Variants in NBEAL1 observed in about 807,000 individuals in gnomAD.
NBEAL1 encodes neurobeachin like 1, also known as neurobeachin-like protein 1.
Under a neutral mutation model 351.3 loss-of-function variants are expected in NBEAL1, and 273 were observed. The ratio of observed to expected loss-of-function variants is 0.78; its 90% CI spans 0.70 to 0.86. The LOEUF is 0.86. Ranked by LOEUF, NBEAL1 falls within the 40% of genes least tolerant of loss-of-function variation. The pLI, the probability that NBEAL1 is intolerant of heterozygous loss-of-function variation, is 0.00. For synonymous variants in NBEAL1, 1,050 were observed against 1,086.4 expected (o/e 0.97, Z 0.66); for missense variants, 2,961 against 3,201.3 (o/e 0.92, Z 1.81).
Position 203,062,636 on chromosome 2 carries a change from G to A in NBEAL1, c.515+5183G>A, listed in dbSNP as rs1325025664. ...AGATGGCAACAGAAAGGGGGGCAAAGTAGAGGATGAGTAGCAGCATTTAAT... is the reference window on the plus strand; with the variant it reads ...AGATGGCAACAGAAAGGGGGGCAAAATAGAGGATGAGTAGCAGCATTTAAT... On this transcript the variant is annotated intron_variant, in intron 6 of 55. Coordinates refer to ENST00000683969, the MANE Select transcript of NBEAL1 (RefSeq NM_001378026.1). The surrounding 1 kb of genome is among the most constrained non-coding windows in gnomAD (Gnocchi z 4.2). 6.0e-6 allele frequency: 1 copy of A among 165,566 alleles called. No individual in the cohort carries two copies. The highest frequency in any genetic ancestry group is 1.3e-5 in the Non-Finnish European group (1 of 75,048). The allele number at this position is 165,566 out of a possible 1,614,324, so 10.3% of individuals were successfully genotyped here.
At chr2:203,149,235 A>C in intron 34 of NBEAL1, 87 bp downstream of exon 34, 1 of 866,636 alleles carries the variant, frequency 1.2e-6, no homozygotes, top group Non-Finnish European at 1.7e-6. Flanking sequence ...TTTCACTCCA[A>C]TTTCTTAAAT....
At chr2:203,080,472 T>C (rs1401908604) in intron 8 of NBEAL1, among the ~76,000 whole-genome samples, 2 of 152,210 alleles carry the variant, frequency 1.3e-5, no homozygotes, top group Non-Finnish European at 2.9e-5. Context: ...TTGTTTTTGC[T>C]CTGTTTTGTT....
chr2:203,207,470 G>C (rs960541804), intron 51 of NBEAL1, among the ~76,000 whole-genome samples: 19 of 152,118 alleles, frequency 1.2e-4, no homozygotes, highest in African/African-American at 4.6e-4. Flanking sequence ...GGAATAGAAA[G>C]GGGGGAAAGG....
rs559295912 is a variant in NBEAL1 at position 203,038,099 on chromosome 2, G to A, written c.52-3666G>A. On this transcript the variant is annotated intron_variant, in intron 2 of 55. Coordinates refer to ENST00000683969, the MANE Select transcript of NBEAL1 (RefSeq NM_001378026.1). ...ATAGTTCATTTTTATTCCTGGAATA[G>A]TATTCCATTGTACGAATGTACAACG... Among the ~76,000 whole-genome samples, 8 of 149,306 alleles carry A rather than the reference G, an allele frequency of 5.4e-5. 1 individual carries two copies. The highest frequency in any genetic ancestry group is 1.9e-4 in the African/African-American group (8 of 41,172).
chr2:203,044,432 T>C (rs2061194125), intron 3 of NBEAL1, among the ~76,000 whole-genome samples: 1 of 152,236 alleles, frequency 6.6e-6, no homozygotes, highest in Non-Finnish European at 1.5e-5. Context: ...AGCCTTTAAA[T>C]GTTTGGAATA....
chr2:203,206,945 C>T (rs1342335839), intron 51 of NBEAL1, among the ~76,000 whole-genome samples: 1 of 151,702 alleles, frequency 6.6e-6, no homozygotes, highest in Admixed American at 6.6e-5. Flanking sequence ...AGCGTCTCTG[C>T]CCGGCCGCCA....
chr2:203,212,168 A>C, intron 54 of NBEAL1, among the ~76,000 whole-genome samples: 1 of 151,568 alleles, frequency 6.6e-6, no homozygotes, highest in East Asian at 2.0e-4. Flanking sequence ...GATTACAGGC[A>C]TGAGCCACTG....
chr2:203,073,459 T>C (rs2061715189), intron 7 of NBEAL1, among the ~76,000 whole-genome samples: 1 of 152,162 alleles, frequency 6.6e-6, no homozygotes. Flanking sequence ...TTCTCTCTTC[T>C]TTTTTCTTGA....
At chr2:203,042,391 A>T (rs967630392) in intron 3 of NBEAL1, among the ~76,000 whole-genome samples, 1 of 152,200 alleles carries the variant, frequency 6.6e-6, no homozygotes, top group Non-Finnish European at 1.5e-5. Context: ...CCCTCTCCCC[A>T]TGGAGTCAGG....
At chr2:203,051,826 T>C (rs1292990854) in intron 4 of NBEAL1, among the ~76,000 whole-genome samples, 1 of 152,168 alleles carries the variant, frequency 6.6e-6, no homozygotes, top group Non-Finnish European at 1.5e-5. Context: ...ACAGAACATG[T>C]TTCTATTTCC....
chr2:203,046,431 A>G (rs2061227660), intron 3 of NBEAL1, among the ~76,000 whole-genome samples: 1 of 151,844 alleles, frequency 6.6e-6, no homozygotes, highest in Non-Finnish European at 1.5e-5. Flanking sequence ...GTTAGCCAAG[A>G]TGGTCTCCAT....
chr2:203,136,524 A>G (rs2063212852), intron 28 of NBEAL1, 75 bp from the exon 29 acceptor site: 1 of 1,062,734 alleles, frequency 9.4e-7, no homozygotes, highest in Non-Finnish European at 1.4e-6. Context: ...CAATGAGTAT[A>G]TGTAATGGTT....
intron 51 of NBEAL1, among the ~76,000 whole-genome samples, chr2:203,203,705 C>A (rs2065466782): frequency 6.6e-6 from 1 of 151,332 alleles, no homozygotes; most frequent in Non-Finnish European, 1.5e-5. Context: ...GATCCTATCT[C>A]AAAAAAAATT....
chr2:203,076,180 G>A (rs936961721), intron 7 of NBEAL1, among the ~76,000 whole-genome samples: 1 of 152,222 alleles, frequency 6.6e-6, no homozygotes, highest in East Asian at 1.9e-4. Flanking sequence ...AGGTGTATCT[G>A]TTAAGATGTA....
chr2:203,085,702 G>C (rs573442359), intron 10 of NBEAL1: 1 of 151,864 alleles, frequency 6.6e-6, no homozygotes, highest in African/African-American at 2.4e-5. Context: ...GCCCTTTCAG[G>C]GTCAAATAAC....
intron 35 of NBEAL1, among the ~76,000 whole-genome samples, chr2:203,155,251 A>AAC (rs1471926177): frequency 1.3e-4 from 19 of 151,084 alleles, no homozygotes; most frequent in Non-Finnish European, 1.8e-4. Flanking sequence ...CTCTCTCAAA[A>AAC]AAAAAAAAAA....
Position 203,116,617 on chromosome 2 carries a change from T to C in NBEAL1, c.2592+547T>C, listed in dbSNP as rs568628267. ...GAGACCCCTGTCTCTATAAAACTTA[T>C]GAAAAATGCCAAAAAAAAAAAAAAT... On this transcript the variant is annotated intron_variant, in intron 18 of 55. Transcript: ENST00000683969. Among the ~76,000 whole-genome samples, 6 of 118,618 alleles carry C rather than the reference T, an allele frequency of 5.1e-5. No homozygotes were observed. In the East Asian group the frequency reaches 1.4e-3, roughly 27 times the overall value. The allele number at this position is 118,618 out of a possible 152,430, so 77.8% of individuals were successfully genotyped here. A position where few individuals can be genotyped will look rare whatever the true frequency, so the allele number is the denominator to read the frequency against.
At chr2:203,190,019 C>G (rs551592573) in intron 45 of NBEAL1, among the ~76,000 whole-genome samples, 1 of 151,784 alleles carries the variant, frequency 6.6e-6, no homozygotes, top group East Asian at 1.9e-4. Flanking sequence ...ACCTGTAGTC[C>G]CAGCTACTCA....
chr2:203,037,390 A>T (rs985474664), intron 2 of NBEAL1, among the ~76,000 whole-genome samples: 1 of 149,220 alleles, frequency 6.7e-6, no homozygotes, highest in South Asian at 2.1e-4. Context: ...ATTGAGCATC[A>T]TTTTTTGAGA....
Sources: allele counts gnomAD v4.1 joint callset (sites outside exome capture counted in the v4.1 genomes callset), GRCh38; gene constraint gnomAD v4.1.1; non-coding constraint Gnocchi (gnomAD v3.1); transcripts MANE v1.5; gene names NCBI Gene and HGNC (gene_info 2026-07-23, HGNC 2026-07-21).